Variants in ZNF737 observed in about 807,000 individuals in gnomAD.
ZNF737 encodes the protein zinc finger protein 737, also known as zinc finger protein 102 (Y3).
In ZNF737, 13 loss-of-function variants were observed where a neutral mutation model predicts 11.7. The ratio of observed to expected loss-of-function variants is 1.11; its 90% CI spans 0.73 to 1.77. The LOEUF is 1.77. Among genes scored for constraint, ZNF737 ranks in the 40% most tolerant of loss-of-function variants. The probability of loss-of-function intolerance (pLI) is 0.00; values close to 1 mark genes in which losing one functional copy is unlikely to be tolerated. For synonymous variants in ZNF737, 217 were observed against 216.2 expected, an observed-to-expected ratio of 1.00 and a Z score of -0.03; for missense variants, 636 against 638.0, an observed-to-expected ratio of 1.00 and a Z score of 0.03.
At chr19:20,561,427 G>A (rs1969091529) in intron 1 of ZNF737, among the ~76,000 whole-genome samples, 1 of 152,086 alleles carries the variant, frequency 6.6e-6, no homozygotes, top group African/African-American at 2.4e-5. Context: ...GGAATCCTGT[G>A]GTGGCAGCTG....
At chr19:20,562,510 A>C (rs1969135812) in intron 1 of ZNF737, among the ~76,000 whole-genome samples, 1 of 149,392 alleles carries the variant, frequency 6.7e-6, no homozygotes, top group South Asian at 2.1e-4. Context: ...ACAATACCTG[A>C]TTTTTCTTTT....
rs1968127149 is a variant in ZNF737, at chr19:20,539,817, A to G, written c.*4775T>C. On this transcript the variant is annotated 3_prime_UTR_variant, in exon 4 of 4. Transcript: ENST00000427401. The stretch of plus-strand genomic sequence containing the variant: ...GTAATAAATAGTGTAAACCTGTGTC[A>G]CCAGAATGGTGCAGACATGCTGATT... 1 of 985,330 alleles carries G rather than the reference A, an allele frequency of 1.0e-6. No individual in the cohort carries two copies. Among genetic ancestry groups the G allele is most frequent in the Admixed American group, 6.2e-5 (1 of 16,260 alleles). The allele number at this position is 985,330 out of a possible 1,614,324, so 61.0% of individuals were successfully genotyped here.
In ZNF737 at chr19:20,543,291, C is replaced by A. The variant is rs1555755525; in HGVS notation, c.*1301G>T. ...GATGTTGAACAAACTTGAGCAACTGCTTTAGGATTTTCCTCCAGTACAAAA... is the reference window on the plus strand; with the variant it reads ...GATGTTGAACAAACTTGAGCAACTGATTTAGGATTTTCCTCCAGTACAAAA... On this transcript the variant is annotated 3_prime_UTR_variant, in exon 4 of 4. Coordinates refer to ENST00000427401, the MANE Select transcript of ZNF737 (RefSeq NM_001159293.2). 6.1e-6 allele frequency: 6 copies of A among 985,454 alleles called. No individual in the cohort carries two copies. 61.0% of individuals were successfully genotyped at this position (985,454 alleles called of 1,614,324 possible).
At position 20,544,662 on chromosome 19, in the gene ZNF737, C is replaced by T; in HGVS notation, c.1541G>A (p.Cys514Tyr). The T allele has an allele frequency of 6.2e-7, 1 of 1,609,092 alleles. No homozygotes were observed. The highest frequency in any genetic ancestry group is 8.5e-7 in the Non-Finnish European group (1 of 1,177,784). ...TGEKPYKCEE[C>Y]GKGFKCPSTL... ...AGAGGGGCACTTAAAGCCTTTGCCA[C>T]ATTCTTCACATTTGTAGGGTTTCTC... Residue 514 changes from cysteine (C) to tyrosine (Y), a missense_variant, in exon 4 of 4, where the codon TGT (cysteine) becomes TAT (tyrosine). Coordinates refer to ENST00000427401, the MANE Select transcript of ZNF737 (RefSeq NM_001159293.2).
Position 20,542,538 on chromosome 19 carries a change from GTTT to G in ZNF737, c.*2051_*2053del. 1 of 981,828 alleles carries G rather than the reference GTTT, an allele frequency of 1.0e-6. No homozygotes were observed. Among genetic ancestry groups the G allele is most frequent in the Non-Finnish European group, 1.2e-6 (1 of 827,074 alleles). The allele number at this position is 981,828 out of a possible 1,614,324, so 60.8% of individuals were successfully genotyped here. A position where few individuals can be genotyped will look rare whatever the true frequency, so the allele number is the denominator to read the frequency against. ...TGAGCCATCAAGCCCGGCCCTAACA[GTTT>G]TAAAATGCACTGCATTTTATTACAT... On this transcript the variant is annotated 3_prime_UTR_variant, in exon 4 of 4. Coordinates refer to ENST00000427401, the MANE Select transcript of ZNF737 (RefSeq NM_001159293.2).
Position 20,545,167 on chromosome 19 carries a change from A to G in ZNF737, c.1036T>C (p.Cys346Arg), listed in dbSNP as rs977441870. 5.6e-6 allele frequency: 9 copies of G among 1,613,728 alleles called. No homozygotes were observed. Among genetic ancestry groups the G allele is most frequent in the African/African-American group, 1.3e-5 (1 of 74,912 alleles). ...TGEKPYKCEE[C>R]GRAFKYFSSL... ...GAGAAGTACTTAAAGGCTCTGCCAC[A>G]TTCTTCACATTTGTAGGGTTTCTCT... The change falls in exon 4 of 4, where the codon TGT (cysteine) becomes CGT (arginine). Residue 346 changes from cysteine to arginine, a missense_variant. Transcript: ENST00000427401.
chr19:20,552,639 G>T, intron 2 of ZNF737, 69 bp from the exon 3 acceptor site: 2 of 1,036,236 alleles, frequency 1.9e-6, no homozygotes, highest in South Asian at 1.8e-5. Flanking sequence ...TAATGTGCTC[G>T]CAAAGACAAT....
At chr19:20,536,144 C>T (rs1190682129), downstream of ZNF737, 20 of 982,354 alleles carry the variant, frequency 2.0e-5, no homozygotes, top group African/African-American at 2.8e-4. Context: ...CTGCAATAAA[C>T]AAAAAACTGA....
rs782654511 is a variant in ZNF737 at position 20,544,681 on chromosome 19, G to A, written c.1522C>T (p.Pro508Ser). The change falls in exon 4 of 4, where the codon CCC becomes TCC. Residue 508 changes from proline (P) to serine (S), a missense_variant. Physicochemically the swap from Pro to Ser is moderately conservative, Grantham distance 74. Coordinates refer to ENST00000427401, the MANE Select transcript of ZNF737 (RefSeq NM_001159293.2). ...TTGCCACATTCTTCACATTTGTAGG[G>A]TTTCTCTCCAGTATGAATTCTCTTA... is the stretch of plus-strand genomic sequence containing the variant. ...RHKRIHTGEK[P>S]YKCEECGKGF... The A allele has an allele frequency of 5.0e-6, 8 of 1,607,002 alleles. No homozygotes were observed. The East Asian group carries it at 6.7e-5, about 14-fold the overall frequency.
downstream of ZNF737, among the ~76,000 whole-genome samples, chr19:20,536,593 G>C (rs1043577817): frequency 3.3e-5 from 5 of 151,974 alleles, no homozygotes; most frequent in Admixed American, 6.6e-5. Flanking sequence ...GTAGATCACA[G>C]GGTCAGGAGC....
Position 20,538,006 on chromosome 19 carries a change from T to A in ZNF737, c.*6586A>T. 1 of 955,802 alleles carries A rather than the reference T, an allele frequency of 1.0e-6. No homozygotes were observed. Among genetic ancestry groups the A allele is most frequent in the Non-Finnish European group, 1.2e-6 (1 of 803,010 alleles). 59.2% of individuals were successfully genotyped at this position (955,802 alleles called of 1,614,324 possible). On this transcript the variant is annotated 3_prime_UTR_variant, in exon 4 of 4. Transcript: ENST00000427401. ...CTGAGGCAGAGTAAGATTTATAACA[T>A]TTTATTATCATATGGAAGAAGTGTA...
intron 3 of ZNF737, among the ~76,000 whole-genome samples, chr19:20,548,284 T>C (rs1298453817): frequency 6.6e-6 from 1 of 152,152 alleles, no homozygotes; most frequent in Non-Finnish European, 1.5e-5. Flanking sequence ...TTTATAAACA[T>C]ATCAAAAAAT....
rs553109395 is a variant in ZNF737 at position 20,560,160 on chromosome 19, G to A, written c.3+5478C>T. Among the ~76,000 whole-genome samples, 6 of 124,762 alleles carry A rather than the reference G, an allele frequency of 4.8e-5. No individual in the cohort carries two copies. In the East Asian group the frequency reaches 6.9e-4, roughly 14 times the overall value. 81.8% of individuals were successfully genotyped at this position (124,762 alleles called of 152,430 possible). On this transcript the variant is annotated intron_variant, in intron 1 of 3. Transcript: ENST00000427401. The stretch of plus-strand genomic sequence containing the variant: ...CGCAGTCCGGCCTGGGCGACAGAGC[G>A]AGACTCCGTCTCAAAAAAAAAAAAA...
At chr19:20,550,897 G>T (rs1968638266) in intron 3 of ZNF737, among the ~76,000 whole-genome samples, 1 of 152,190 alleles carries the variant, frequency 6.6e-6, no homozygotes, top group Non-Finnish European at 1.5e-5. Context: ...CCAGGATAGG[G>T]TTTACCCAAG....
At chr19:20,531,152 G>C (rs1967815905), downstream of ZNF737, among the ~76,000 whole-genome samples, 1 of 146,398 alleles carries the variant, frequency 6.8e-6, no homozygotes, top group South Asian at 2.3e-4. Context: ...CAGGCAGGGA[G>C]GTTGCAGTGA....
chr19:20,541,292 C>T lies in ZNF737; in HGVS notation c.*3300G>A. ...AAACACTCAATTCATAATTTTCTTA[C>T]ACCTCAGGTTTATCTTCAGAGTAAT... On this transcript the variant is annotated 3_prime_UTR_variant, in exon 4 of 4. Coordinates refer to ENST00000427401, the MANE Select transcript of ZNF737 (RefSeq NM_001159293.2). The T allele has an allele frequency of 1.0e-6, 1 of 984,524 alleles. No individual in the cohort carries two copies. The highest frequency in any genetic ancestry group is 1.1e-4 in the East Asian group (1 of 8,790). 61.0% of individuals were successfully genotyped at this position (984,524 alleles called of 1,614,324 possible). A position where few individuals can be genotyped will look rare whatever the true frequency, so the allele number is the denominator to read the frequency against.
downstream of ZNF737, among the ~76,000 whole-genome samples, chr19:20,532,235 T>C (rs1184510669): frequency 2.7e-5 from 4 of 150,154 alleles, no homozygotes; most frequent in Admixed American, 1.3e-4. Context: ...ACACCTGGGC[T>C]GAGCTACTTG....
chr19:20,535,530 T>G (rs563672900), downstream of ZNF737, among the ~76,000 whole-genome samples: 7 of 32,170 alleles, frequency 2.2e-4, no homozygotes, highest in East Asian at 6.0e-3. Context: ...AAATCCTCGT[T>G]TTTTTTTTTT....
At chr19:20,533,304 AAAGGTTTTTGTATT>A (rs60621386), downstream of ZNF737, among the ~76,000 whole-genome samples, 463 of 150,150 alleles carry the variant, frequency 3.1e-3, 18 homozygotes, top group African/African-American at 0.011. Context: ...TACATGTATG[AAAGGTTTTTGTATT>A]ACTGTTTGTA....
Sources: allele counts gnomAD v4.1 joint callset (sites outside exome capture counted in the v4.1 genomes callset), GRCh38; gene constraint gnomAD v4.1.1; transcripts MANE v1.5; gene names NCBI Gene and HGNC (gene_info 2026-07-23, HGNC 2026-07-21).